ZNF385B: variants seen among roughly 807,000 people sequenced by gnomAD.
The protein encoded by ZNF385B is zinc finger protein 385B.
A neutral mutation model predicts 39.2 loss-of-function variants in ZNF385B; 23 were observed. That is an observed-to-expected ratio of 0.59 (90% CI 0.42 to 0.83). The LOEUF (loss-of-function observed/expected upper bound fraction) is 0.83, where lower values mean the gene tolerates loss of function less well. Among genes scored for constraint, ZNF385B ranks in the 40% least tolerant of loss-of-function variants. The pLI is 0.00. For missense variants in ZNF385B, 552 were observed against 598.9 expected (o/e 0.92, Z 0.82); for synonymous variants, 205 against 222.6 (o/e 0.92, Z 0.70).
At position 179,450,407 on chromosome 2, in the gene ZNF385B, A is replaced by G. The variant is rs539060829; in HGVS notation, c.716-3637T>C. Among the ~76,000 whole-genome samples the G allele has an allele frequency of 9.6e-4, 147 of 152,338 alleles. 1 individual carries two copies. Among genetic ancestry groups the G allele is most frequent in the African/African-American group, 3.1e-3 (129 of 41,576 alleles). On this transcript the variant is annotated intron_variant, in intron 6 of 9. Coordinates refer to ENST00000410066, the MANE Select transcript of ZNF385B (RefSeq NM_152520.6). ...CAACGAACTCCAACAAATTTACAAA[A>G]AAACAAACAACCCCATCAAAAAGTG...
intron 3 of ZNF385B, among the ~76,000 whole-genome samples, chr2:179,626,655 T>C (rs941037949): frequency 3.4e-4 from 52 of 152,266 alleles, no homozygotes; most frequent in Non-Finnish European, 7.1e-4. Flanking sequence ...ATGCATATAA[T>C]TCAGTAATCT....
At chr2:179,542,185 G>A (rs1029857380) in intron 4 of ZNF385B, among the ~76,000 whole-genome samples, 1 of 152,090 alleles carries the variant, frequency 6.6e-6, no homozygotes, top group Non-Finnish European at 1.5e-5. Context: ...AATGTCTGTA[G>A]GAAAAGAATT....
In ZNF385B at chr2:179,539,236, T is replaced by A. The variant is rs141790915; in HGVS notation, c.441+5591A>T. Among the ~76,000 whole-genome samples, 21 of 152,294 alleles carry A rather than the reference T, an allele frequency of 1.4e-4. No homozygotes were observed. The East Asian group carries it at 3.9e-3, about 28-fold the overall frequency. ...AGCTGGCTGCCTTCTTACTGTGTGT[T>A]CCCATGGCAAAGAGGAGGGAAAGCT... On this transcript the variant is annotated intron_variant, in intron 4 of 9. Transcript: ENST00000410066.
intron 4 of ZNF385B, among the ~76,000 whole-genome samples, chr2:179,523,235 A>ATTGTT (rs2058633355): frequency 6.6e-6 from 1 of 152,216 alleles, no homozygotes; most frequent in Non-Finnish European, 1.5e-5. Flanking sequence ...AGTACTTATA[A>ATTGTT]AACAAATTAA....
chr2:179,514,936 G>A (rs754612571), intron 5 of ZNF385B, among the ~76,000 whole-genome samples: 3 of 151,932 alleles, frequency 2.0e-5, no homozygotes, highest in Non-Finnish European at 2.9e-5. Flanking sequence ...GCACAATCAC[G>A]CCTGGCTAAT....
chr2:179,470,634 A>C lies in ZNF385B; in HGVS notation c.715+12638T>G, dbSNP rs183230040. 1.2e-4 allele frequency among the ~76,000 whole-genome samples: 18 copies of C among 152,328 alleles called. No homozygotes were observed. In the East Asian group the frequency reaches 3.5e-3, roughly 29 times the overall value. On this transcript the variant is annotated intron_variant, in intron 6 of 9. Transcript: ENST00000410066. ...TGTGCAAACTGGTTGAAGGAATGGT[A>C]AAAATCACTGTTTGTCTCCTGTAAA... is the stretch of plus-strand genomic sequence containing the variant.
chr2:179,476,016 C>CAAAAAAAAAAAAAAAAA (rs34327373), intron 6 of ZNF385B, among the ~76,000 whole-genome samples: 1 of 57,014 alleles, frequency 1.8e-5, no homozygotes. Flanking sequence ...GCCTCTGTCT[C>CAAAAAAAAAAAAAAAAA]AAAAAAAAAA....
chr2:179,445,496 C>T (rs1372844133), intron 8 of ZNF385B, 54 bp downstream of exon 8: 1 of 1,530,378 alleles, frequency 6.5e-7, no homozygotes, highest in Admixed American at 2.0e-5. Flanking sequence ...TGAGAAGATA[C>T]ACAGTCAAGT....
At chr2:179,520,276 TC>T (rs933179664) in intron 4 of ZNF385B, among the ~76,000 whole-genome samples, 105 of 151,998 alleles carry the variant, frequency 6.9e-4, no homozygotes, top group African/African-American at 2.3e-3. Context: ...CCTTTCCCCC[TC>T]AAAAGGTCAA....
intron 1 of ZNF385B, among the ~76,000 whole-genome samples, chr2:179,817,559 T>C (rs559204187): frequency 6.6e-6 from 1 of 152,242 alleles, no homozygotes; most frequent in East Asian, 1.9e-4. Context: ...ATCAAGAGAA[T>C]GTAAATCAAA....
At chr2:179,575,292 C>T (rs1348406339) in intron 3 of ZNF385B, among the ~76,000 whole-genome samples, 1 of 151,882 alleles carries the variant, frequency 6.6e-6, no homozygotes, top group Admixed American at 6.6e-5. Context: ...AGAGTCAGTG[C>T]CAAAAAGTGA....
chr2:179,538,846 G>T, intron 4 of ZNF385B, among the ~76,000 whole-genome samples: 1 of 152,166 alleles, frequency 6.6e-6, no homozygotes, highest in East Asian at 1.9e-4. Flanking sequence ...GTAAAAACAT[G>T]GCAGGACTCA....
chr2:179,610,698 T>C (rs1689219008), intron 3 of ZNF385B, among the ~76,000 whole-genome samples: 1 of 152,200 alleles, frequency 6.6e-6, no homozygotes, highest in Non-Finnish European at 1.5e-5. Flanking sequence ...TGAAATATCT[T>C]TCCCTGTGTG....
intron 3 of ZNF385B, among the ~76,000 whole-genome samples, chr2:179,729,625 C>T (rs1701254737): frequency 1.3e-5 from 2 of 152,174 alleles, no homozygotes; most frequent in African/African-American, 4.8e-5. Context: ...GGTCACATTA[C>T]TATTAGTTTT....
At position 179,856,564 on chromosome 2, in the gene ZNF385B, T is replaced by A. The variant is rs1359345837; in HGVS notation, c.-155+4537A>T. ...ATTTTGGAAGCAGTAGGAAAACAGG[T>A]GGGGCATAGAGTCAGCCAAGGCACC... On this transcript the variant is annotated intron_variant, in intron 1 of 9. Coordinates refer to ENST00000410066, the MANE Select transcript of ZNF385B (RefSeq NM_152520.6). Among the ~76,000 whole-genome samples, 8 of 141,608 alleles carry A rather than the reference T, an allele frequency of 5.6e-5. No homozygotes were observed. The East Asian group carries it at 1.6e-3, about 29-fold the overall frequency. The allele number at this position is 141,608 out of a possible 152,430, so 92.9% of individuals were successfully genotyped here.
At chr2:179,742,718 T>C (rs1380708895) in intron 3 of ZNF385B, among the ~76,000 whole-genome samples, 1 of 152,032 alleles carries the variant, frequency 6.6e-6, no homozygotes, top group East Asian at 1.9e-4. Context: ...ACAAACTCTA[T>C]AAATTGCCCA....
intron 4 of ZNF385B, among the ~76,000 whole-genome samples, chr2:179,523,972 A>G (rs1159921401): frequency 6.6e-6 from 1 of 151,834 alleles, no homozygotes; most frequent in Non-Finnish European, 1.5e-5. Context: ...ATTTTTATTT[A>G]TTTATTATAG....
At chr2:179,543,828 G>A (rs2060068695) in intron 4 of ZNF385B, among the ~76,000 whole-genome samples, 4 of 152,172 alleles carry the variant, frequency 2.6e-5, no homozygotes, top group Admixed American at 2.0e-4. Context: ...GGGCCTGTCA[G>A]CAGATTTTAT....
At chr2:179,795,713 G>A (rs1705622124) in intron 1 of ZNF385B, among the ~76,000 whole-genome samples, 1 of 152,130 alleles carries the variant, frequency 6.6e-6, no homozygotes, top group East Asian at 1.9e-4. Context: ...ATAAGGAATG[G>A]TCTCAGTGAC....
Sources: allele counts gnomAD v4.1 joint callset (sites outside exome capture counted in the v4.1 genomes callset), GRCh38; gene constraint gnomAD v4.1.1; transcripts MANE v1.5; gene names NCBI Gene and HGNC (gene_info 2026-07-23, HGNC 2026-07-21).